Variants in FRMPD4 observed in about 807,000 individuals in gnomAD.
FRMPD4 encodes FERM and PDZ domain-containing protein 4.
FRMPD4 carries 22 observed loss-of-function variants against 94.1 expected under a neutral mutation model. That is an observed-to-expected ratio of 0.23 (90% CI 0.17 to 0.33). The LOEUF (loss-of-function observed/expected upper bound fraction) is 0.33, where lower values mean the gene tolerates loss of function less well. Ranked by LOEUF, FRMPD4 falls within the 10% of genes least tolerant of loss-of-function variation. The pLI, the probability that FRMPD4 is intolerant of heterozygous loss-of-function variation, is 1.00. For synonymous variants in FRMPD4, 631 were observed against 548.6 expected, an observed-to-expected ratio of 1.15 and a Z score of -2.10; for missense variants, 1,111 against 1,339.9, an observed-to-expected ratio of 0.83 and a Z score of 2.67.
intron 1 of FRMPD4, among the ~76,000 whole-genome samples, chrX:12,263,246 T>C (rs1391023442): frequency 2.7e-5 from 3 of 111,459 alleles, no homozygotes; most frequent in African/African-American, 9.8e-5. Flanking sequence ...TGTTTTTACA[T>C]TGAAGATCTT....
chrX:11,889,621 C>T (rs964682223), intron 3 of FRMPD4, among the ~76,000 whole-genome samples: 1 of 112,419 alleles, frequency 8.9e-6, no homozygotes, highest in Admixed American at 9.4e-5. Context: ...CATCCTAAGA[C>T]ACAATGGCTT....
At position 12,721,192 on chromosome X, in the gene FRMPD4, A is replaced by G. The variant is rs1301955524; in HGVS notation, c.4623A>G (p.Pro1541=). 1.3e-6 allele frequency: 1 copy of G among 753,638 alleles called. No homozygotes were observed. Among genetic ancestry groups the G allele is most frequent in the Non-Finnish European group, 1.6e-6 (1 of 638,830 alleles). The allele number at this position is 753,638 out of a possible 1,213,427, so 62.1% of individuals were successfully genotyped here. A position where few individuals can be genotyped will look rare whatever the true frequency, so the allele number is the denominator to read the frequency against. Residue 1541 remains proline, a synonymous_variant, in exon 17 of 17, where the codon CCA becomes CCG. Coordinates refer to ENST00000675598, the MANE Select transcript of FRMPD4 (RefSeq NM_001368397.1). ...LYRPQMTQAM[P]EPSSPCLAVA... Reference sequence around the variant, plus strand: ...GACCACAGATGACTCAAGCCATGCCAGAACCAAGCAGCCCATGCCTGGCTG... The same window carrying G: ...GACCACAGATGACTCAAGCCATGCCGGAACCAAGCAGCCCATGCCTGGCTG...
At chrX:12,456,758 A>G (rs1382742793) in intron 1 of FRMPD4, among the ~76,000 whole-genome samples, 1 of 113,170 alleles carries the variant, frequency 8.8e-6, no homozygotes, top group Admixed American at 9.3e-5. Context: ...TGCAGTAGAT[A>G]ATAAAAAAAT....
intron 4 of FRMPD4, among the ~76,000 whole-genome samples, chrX:12,669,552 G>C (rs1422021507): frequency 8.9e-6 from 1 of 112,182 alleles, no homozygotes; most frequent in Non-Finnish European, 1.9e-5. Flanking sequence ...AATGTCTATG[G>C]TCGGCAGAAT....
chrX:12,118,861 G>A (rs768802823), intron 3 of FRMPD4, among the ~76,000 whole-genome samples: 19 of 111,602 alleles, frequency 1.7e-4, no homozygotes, highest in Non-Finnish European at 2.3e-4. Flanking sequence ...TTTTCTCTTC[G>A]TCTCTTTGTC....
intron 1 of FRMPD4, among the ~76,000 whole-genome samples, chrX:12,473,963 A>G (rs1268444271): frequency 1.8e-5 from 2 of 109,852 alleles, no homozygotes; most frequent in African/African-American, 3.5e-5. Flanking sequence ...CACCAAGCGG[A>G]CCTAATAGAC....
intron 1 of FRMPD4, among the ~76,000 whole-genome samples, chrX:11,844,895 T>A (rs934584101): frequency 8.9e-6 from 1 of 112,269 alleles, no homozygotes; most frequent in Non-Finnish European, 1.9e-5. Context: ...TTCTTCAATC[T>A]TTTTTACCCT....
chrX:12,456,422 A>C (rs778164428), intron 1 of FRMPD4, among the ~76,000 whole-genome samples: 2 of 111,929 alleles, frequency 1.8e-5, no homozygotes, highest in African/African-American at 6.5e-5. Context: ...TTACATTACA[A>C]AAATCAACAA....
At chrX:12,501,501 G>C (rs1490006833) in intron 2 of FRMPD4, among the ~76,000 whole-genome samples, 2 of 105,520 alleles carry the variant, frequency 1.9e-5, no homozygotes, top group Admixed American at 1.0e-4. Flanking sequence ...CTAATTATCA[G>C]AGTTCTCGGG....
At chrX:12,007,085 C>T (rs1433930999) in intron 3 of FRMPD4, among the ~76,000 whole-genome samples, 1 of 111,853 alleles carries the variant, frequency 8.9e-6, no homozygotes, top group Non-Finnish European at 1.9e-5. Flanking sequence ...TGCGATGCTG[C>T]TGTGTCAGTT....
chrX:12,223,405 AC>A, intron 1 of FRMPD4, among the ~76,000 whole-genome samples: 1 of 112,040 alleles, frequency 8.9e-6, no homozygotes, highest in South Asian at 3.8e-4. Flanking sequence ...AACATTGAGT[AC>A]ACATGGACAC....
At chrX:12,597,841 TA>T (rs1445475203) in intron 2 of FRMPD4, among the ~76,000 whole-genome samples, 3 of 112,274 alleles carry the variant, frequency 2.7e-5, no homozygotes, top group African/African-American at 9.7e-5. Flanking sequence ...TGAACAAAGA[TA>T]AAAGTTTACT....
intron 3 of FRMPD4, among the ~76,000 whole-genome samples, chrX:12,100,647 A>G (rs757477206): frequency 2.8e-4 from 32 of 112,360 alleles, no homozygotes; most frequent in African/African-American, 1.0e-3. Flanking sequence ...TTATGTTTAT[A>G]TTAATTTGTT....
chrX:12,597,869 A>G lies in FRMPD4; in HGVS notation c.159-11852A>G, dbSNP rs750706685. Among the ~76,000 whole-genome samples the G allele has an allele frequency of 4.4e-4, 50 of 112,454 alleles. 1 individual carries two copies. The highest frequency in any genetic ancestry group is 8.4e-4 in the Non-Finnish European group (45 of 53,266). ...AAGTTTACTGTGAAAACTTTGACAGAGAGACAAACAAAGAGAATGTCTCAG... is the reference window on the plus strand; with the variant it reads ...AAGTTTACTGTGAAAACTTTGACAGGGAGACAAACAAAGAGAATGTCTCAG... On this transcript the variant is annotated intron_variant, in intron 2 of 16. Transcript: ENST00000675598.
intron 1 of FRMPD4, among the ~76,000 whole-genome samples, chrX:12,479,499 TTA>T (rs1296370861): frequency 3.6e-4 from 36 of 99,770 alleles, no homozygotes; most frequent in African/African-American, 9.4e-4. Flanking sequence ...TACGTATATA[TTA>T]TATATATATA....
At chrX:11,853,977 T>G (rs1260289998) in intron 1 of FRMPD4, among the ~76,000 whole-genome samples, 1 of 112,070 alleles carries the variant, frequency 8.9e-6, no homozygotes, top group Non-Finnish European at 1.9e-5. Context: ...TATTAGTTCA[T>G]TGGCATGCTG....
At chrX:12,150,680 A>G (rs2057051414) in intron 1 of FRMPD4, among the ~76,000 whole-genome samples, 1 of 112,012 alleles carries the variant, frequency 8.9e-6, no homozygotes. Context: ...TACTTTTACA[A>G]TCAGAAAAAT....
intron 1 of FRMPD4, among the ~76,000 whole-genome samples, chrX:11,843,424 A>G (rs2053551558): frequency 9.0e-6 from 1 of 111,654 alleles, no homozygotes; most frequent in South Asian, 3.7e-4. Flanking sequence ...ACTCTATATG[A>G]TATAAATCCT....
At chrX:12,214,940 G>A (rs1294203009) in intron 1 of FRMPD4, among the ~76,000 whole-genome samples, 4 of 111,204 alleles carry the variant, frequency 3.6e-5, no homozygotes, top group Non-Finnish European at 7.6e-5. Context: ...ACATGTAATT[G>A]GTAATTATAC....
Sources: allele counts gnomAD v4.1 joint callset (sites outside exome capture counted in the v4.1 genomes callset), GRCh38; gene constraint gnomAD v4.1.1; transcripts MANE v1.5; gene names NCBI Gene and HGNC (gene_info 2026-07-23, HGNC 2026-07-21).